MDFIC2: variants seen among roughly 807,000 people sequenced by gnomAD.
The protein encoded by MDFIC2 is myoD family inhibitor domain-containing protein 2.
At chr3:70,233,861 C>A (rs979714672) in intron 2 of MDFIC2, among the ~76,000 whole-genome samples, 4 of 152,076 alleles carry the variant, frequency 2.6e-5, no homozygotes, top group Admixed American at 2.6e-4. Context: ...CATGAATATA[C>A]CTTAATTCAG....
chr3:70,277,711 C>T (rs1702040978), intron 2 of MDFIC2, among the ~76,000 whole-genome samples: 1 of 152,074 alleles, frequency 6.6e-6, no homozygotes, highest in Non-Finnish European at 1.5e-5. Flanking sequence ...ATGATGCCAC[C>T]TCAGTCTAAG....
At chr3:70,284,962 A>G (rs1292506517) in intron 2 of MDFIC2, among the ~76,000 whole-genome samples, 1 of 152,192 alleles carries the variant, frequency 6.6e-6, no homozygotes, top group African/African-American at 2.4e-5. Flanking sequence ...TTGAAGTTTC[A>G]TTAACAATGT....
At chr3:70,215,539 A>G (rs1182411354) in intron 2 of MDFIC2, among the ~76,000 whole-genome samples, 1 of 152,076 alleles carries the variant, frequency 6.6e-6, no homozygotes, top group Non-Finnish European at 1.5e-5. Flanking sequence ...AAAGCCCACT[A>G]TAAGAAGCTT....
chr3:70,209,158 A>T (rs892118337), intron 2 of MDFIC2, among the ~76,000 whole-genome samples: 1 of 152,086 alleles, frequency 6.6e-6, no homozygotes, highest in African/African-American at 2.4e-5. Flanking sequence ...GGACATTCAA[A>T]TGATGTCTTA....
chr3:70,275,800 C>G (rs1278826569), intron 2 of MDFIC2, among the ~76,000 whole-genome samples: 1 of 152,094 alleles, frequency 6.6e-6, no homozygotes, highest in Non-Finnish European at 1.5e-5. Flanking sequence ...ATATGAGGAC[C>G]TGGTAAATAA....
At chr3:70,215,396 T>C (rs1701399189) in intron 2 of MDFIC2, among the ~76,000 whole-genome samples, 1 of 152,154 alleles carries the variant, frequency 6.6e-6, no homozygotes, top group South Asian at 2.1e-4. Flanking sequence ...AAAACTGCTT[T>C]GTCCCTTCTG....
intron 2 of MDFIC2, among the ~76,000 whole-genome samples, chr3:70,291,027 G>A (rs376926704): frequency 1.3e-5 from 2 of 152,202 alleles, no homozygotes; most frequent in African/African-American, 4.8e-5. Flanking sequence ...CTTCTGCTTC[G>A]CTCACGCTGG....
At chr3:70,206,201 T>C (rs1055184698) in intron 3 of MDFIC2, among the ~76,000 whole-genome samples, 3 of 152,100 alleles carry the variant, frequency 2.0e-5, no homozygotes, top group African/African-American at 7.2e-5. Context: ...ATTTTAATAC[T>C]ATTTCTCTCT....
chr3:70,272,339 A>C (rs1000025479), intron 2 of MDFIC2: 1 of 152,104 alleles, frequency 6.6e-6, no homozygotes, highest in Non-Finnish European at 1.5e-5. Context: ...TATAGATTAA[A>C]TTTGCCTTTC....
At chr3:70,213,838 A>C (rs1576157759) in intron 2 of MDFIC2, among the ~76,000 whole-genome samples, 2 of 152,228 alleles carry the variant, frequency 1.3e-5, no homozygotes, top group Admixed American at 1.3e-4. Flanking sequence ...CTTTCTTTAC[A>C]TGTGTAGATC....
intron 2 of MDFIC2, chr3:70,302,825 T>C (rs541100328): frequency 1.4e-4 from 22 of 152,330 alleles, no homozygotes; most frequent in Admixed American, 5.9e-4. Flanking sequence ...TGACATGGCA[T>C]CTTGTAGGCC....
chr3:70,291,662 A>T (rs1416566885), intron 2 of MDFIC2, among the ~76,000 whole-genome samples: 2 of 152,126 alleles, frequency 1.3e-5, no homozygotes, highest in African/African-American at 2.4e-5. Flanking sequence ...CTCATAACAG[A>T]TTTGCTAGCT....
At chr3:70,255,205 C>A (rs941217905) in intron 2 of MDFIC2, among the ~76,000 whole-genome samples, 1 of 152,068 alleles carries the variant, frequency 6.6e-6, no homozygotes, top group African/African-American at 2.4e-5. Context: ...AAAGTAAAAA[C>A]TTAAAATATT....
Position 70,195,976 on chromosome 3 carries a change from T to G in MDFIC2, c.*950A>C, listed in dbSNP as rs1701174353. On this transcript the variant is annotated 3_prime_UTR_variant, in exon 4 of 4. Transcript: ENST00000567252. ...TTATCAGACAAAGAAAAACATGGTTTCTGAAGCACATGCTATATTAAGAAG... is the reference window on the plus strand; with the variant it reads ...TTATCAGACAAAGAAAAACATGGTTGCTGAAGCACATGCTATATTAAGAAG... Among the ~76,000 whole-genome samples the G allele has an allele frequency of 6.6e-6, 1 of 152,222 alleles. No individual in the cohort carries two copies. Among genetic ancestry groups the G allele is most frequent in the African/African-American group, 2.4e-5 (1 of 41,464 alleles).
chr3:70,291,721 A>G (rs1040702574), intron 2 of MDFIC2: 2 of 152,240 alleles, frequency 1.3e-5, no homozygotes, highest in African/African-American at 4.8e-5. Context: ...TGAGTCACTG[A>G]CAACAGATTA....
At chr3:70,210,166 GA>G (rs971694656) in intron 2 of MDFIC2, among the ~76,000 whole-genome samples, 2 of 152,084 alleles carry the variant, frequency 1.3e-5, no homozygotes, top group Non-Finnish European at 2.9e-5. Context: ...AGTGGTATAT[GA>G]TTCTCTTTTT....
chr3:70,306,680 T>C (rs1702404232), intron 2 of MDFIC2, among the ~76,000 whole-genome samples: 1 of 152,154 alleles, frequency 6.6e-6, no homozygotes, highest in Non-Finnish European at 1.5e-5. Context: ...GTTAGAAGAT[T>C]GCAAAACTAC....
intron 3 of MDFIC2, among the ~76,000 whole-genome samples, chr3:70,204,020 C>A (rs1407915161): frequency 2.6e-5 from 4 of 152,090 alleles, no homozygotes; most frequent in Admixed American, 2.6e-4. Flanking sequence ...AGTAAAGATC[C>A]TTTTAAATTC....
intron 2 of MDFIC2, among the ~76,000 whole-genome samples, chr3:70,293,671 T>C (rs529468962): frequency 6.6e-6 from 1 of 152,212 alleles, no homozygotes; most frequent in South Asian, 2.1e-4. Context: ...TTCCTTCCAT[T>C]TTCTCTTTCC....
Sources: allele counts gnomAD v4.1 joint callset (sites outside exome capture counted in the v4.1 genomes callset), GRCh38; gene constraint gnomAD v4.1.1; transcripts MANE v1.5; gene names NCBI Gene and HGNC (gene_info 2026-07-23, HGNC 2026-07-21).